KDM4C: variants seen among roughly 807,000 people sequenced by gnomAD.
KDM4C encodes lysine demethylase 4C.
A neutral mutation model predicts 129.3 loss-of-function variants in KDM4C; 81 were observed. The ratio of observed to expected loss-of-function variants is 0.63; its 90% CI spans 0.52 to 0.75. KDM4C has a LOEUF of 0.75. Among genes scored for constraint, KDM4C ranks in the 30% least tolerant of loss-of-function variants. The probability of loss-of-function intolerance (pLI) is 0.00; values close to 1 mark genes in which losing one functional copy is unlikely to be tolerated. For missense variants in KDM4C, 1,457 were observed against 1,304.0 expected, an observed-to-expected ratio of 1.12 and a Z score of -1.81; for synonymous variants, 573 against 456.1, an observed-to-expected ratio of 1.26 and a Z score of -3.26.
chr9:6,853,583 A>G (rs1042627994), intron 5 of KDM4C, among the ~76,000 whole-genome samples: 1 of 152,174 alleles, frequency 6.6e-6, no homozygotes, highest in Non-Finnish European at 1.5e-5. Context: ...GGAGACATAC[A>G]TTTCTAGCTA....
intron 7 of KDM4C, among the ~76,000 whole-genome samples, chr9:6,892,178 T>G (rs1170406927): frequency 6.6e-6 from 1 of 152,188 alleles, no homozygotes; most frequent in Non-Finnish European, 1.5e-5. Context: ...TGAAAGAATT[T>G]AAAGATATAA....
At chr9:7,052,267 C>G (rs1830251080) in intron 17 of KDM4C, among the ~76,000 whole-genome samples, 1 of 152,130 alleles carries the variant, frequency 6.6e-6, no homozygotes, top group South Asian at 2.1e-4. Flanking sequence ...AACAATTTAA[C>G]ATTACCTGTT....
At chr9:7,069,082 T>C (rs1161629943) in intron 17 of KDM4C, among the ~76,000 whole-genome samples, 3 of 152,140 alleles carry the variant, frequency 2.0e-5, no homozygotes, top group African/African-American at 7.2e-5. Context: ...ACCATAATAG[T>C]AGCTTTTAAC....
At chr9:6,939,969 C>T (rs1258718248) in intron 8 of KDM4C, among the ~76,000 whole-genome samples, 4 of 136,856 alleles carry the variant, frequency 2.9e-5, no homozygotes, top group Middle Eastern at 3.8e-3. Flanking sequence ...AACCTACCTA[C>T]CTACCTACCT....
At chr9:6,879,894 TC>T (rs1844173986) in intron 5 of KDM4C, 117 bp from the exon 6 acceptor site, 1 of 521,376 alleles carries the variant, frequency 1.9e-6, no homozygotes, top group Non-Finnish European at 3.5e-6. Context: ...ACTCAGTTCA[TC>T]TAAGTGGAGT....
At chr9:6,832,446 G>A (rs1346655962) in intron 4 of KDM4C, among the ~76,000 whole-genome samples, 4 of 132,938 alleles carry the variant, frequency 3.0e-5, no homozygotes, top group African/African-American at 1.1e-4. Context: ...TTTTTTTTGA[G>A]GTGGAGTCTC....
chr9:7,070,654 A>G (rs1386436406), intron 17 of KDM4C, among the ~76,000 whole-genome samples: 1 of 152,218 alleles, frequency 6.6e-6, no homozygotes, highest in African/African-American at 2.4e-5. Flanking sequence ...ACTGGATTTA[A>G]CATTGATTCC....
intron 2 of KDM4C, among the ~76,000 whole-genome samples, chr9:6,801,791 G>C (rs1030647452): frequency 3.3e-5 from 5 of 152,022 alleles, no homozygotes; most frequent in Admixed American, 1.3e-4. Context: ...AAAGAGACTT[G>C]AATAAGTACT....
chr9:7,057,235 G>A (rs1010438877), intron 17 of KDM4C, among the ~76,000 whole-genome samples: 5 of 152,202 alleles, frequency 3.3e-5, no homozygotes, highest in South Asian at 2.1e-4. Flanking sequence ...GAATTTCACT[G>A]TGGTATATTT....
At chr9:7,129,060 G>C (rs1028384488) in intron 19 of KDM4C, among the ~76,000 whole-genome samples, 1 of 152,040 alleles carries the variant, frequency 6.6e-6, no homozygotes, top group Non-Finnish European at 1.5e-5. Flanking sequence ...TTCTCCTTTC[G>C]GGGGGTGTGT....
chr9:6,796,337 C>T (rs1401559250), intron 2 of KDM4C, among the ~76,000 whole-genome samples: 4 of 152,094 alleles, frequency 2.6e-5, no homozygotes, highest in East Asian at 1.9e-4. Flanking sequence ...CCCAGCTAAT[C>T]GGGAGGCTGA....
At chr9:6,808,023 C>G (rs1301366967) in intron 3 of KDM4C, among the ~76,000 whole-genome samples, 1 of 117,082 alleles carries the variant, frequency 8.5e-6, no homozygotes, top group Non-Finnish European at 1.8e-5. Context: ...GGCCAGCCGC[C>G]CCGTCCGGGA....
At chr9:6,779,938 T>C (rs1006424677) in intron 1 of KDM4C, among the ~76,000 whole-genome samples, 2 of 152,218 alleles carry the variant, frequency 1.3e-5, no homozygotes, top group African/African-American at 2.4e-5. Context: ...TCAAAATTCA[T>C]TTTGTAGCAC....
chr9:7,057,017 A>G (rs1020396844), intron 17 of KDM4C, among the ~76,000 whole-genome samples: 3 of 152,340 alleles, frequency 2.0e-5, no homozygotes, highest in Admixed American at 1.3e-4. Flanking sequence ...GAGAGGTTAT[A>G]GTTTTGGAAA....
chr9:6,795,314 G>T (rs1428876383), intron 2 of KDM4C, among the ~76,000 whole-genome samples: 6 of 151,936 alleles, frequency 3.9e-5, no homozygotes, highest in African/African-American at 1.4e-4. Context: ...TAATTAGGTT[G>T]TATATATATA....
chr9:6,820,548 T>A (rs1398501641), intron 4 of KDM4C, among the ~76,000 whole-genome samples: 1 of 152,032 alleles, frequency 6.6e-6, no homozygotes, highest in Non-Finnish European at 1.5e-5. Context: ...GCAAATCTTT[T>A]AAGGAGCAGA....
chr9:7,014,273 C>T (rs1166339875), intron 14 of KDM4C: 4 of 326,536 alleles, frequency 1.2e-5, no homozygotes, highest in Middle Eastern at 8.2e-4. Flanking sequence ...TGATGGGGTT[C>T]CTTTCACATG....
At chr9:7,114,931 T>G (rs1838731351) in intron 18 of KDM4C, among the ~76,000 whole-genome samples, 1 of 151,936 alleles carries the variant, frequency 6.6e-6, no homozygotes, top group Non-Finnish European at 1.5e-5. Flanking sequence ...ATACTAAAAT[T>G]AGCTGGTCGT....
intron 15 of KDM4C, among the ~76,000 whole-genome samples, chr9:7,024,415 G>T (rs542075649): frequency 6.6e-6 from 1 of 150,518 alleles, no homozygotes; most frequent in Non-Finnish European, 1.5e-5. Context: ...CATGTGCCAT[G>T]TTGGTGTGCT....
Sources: allele counts gnomAD v4.1 joint callset (sites outside exome capture counted in the v4.1 genomes callset), GRCh38; gene constraint gnomAD v4.1.1; transcripts MANE v1.5; gene names NCBI Gene and HGNC (gene_info 2026-07-23, HGNC 2026-07-21).